Variants in CRISPLD2 observed in about 807,000 individuals in gnomAD.
The protein encoded by CRISPLD2 is cysteine rich secretory protein LCCL domain containing 2.
A neutral mutation model predicts 71.1 loss-of-function variants in CRISPLD2; 47 were observed. That is an observed-to-expected ratio of 0.66 (90% CI 0.52 to 0.84). The LOEUF (loss-of-function observed/expected upper bound fraction) is 0.84. Among genes scored for constraint, CRISPLD2 ranks in the 40% least tolerant of loss-of-function variants. The pLI is 0.00. For synonymous variants in CRISPLD2, 317 were observed against 250.1 expected (o/e 1.27, Z -2.52); for missense variants, 830 against 651.1 (o/e 1.27, Z -2.99).
At chr16:84,892,322 G>C (rs2071669998) in intron 14 of CRISPLD2, among the ~76,000 whole-genome samples, 1 of 152,236 alleles carries the variant, frequency 6.6e-6, no homozygotes, top group Non-Finnish European at 1.5e-5. Flanking sequence ...ATGCTCGACT[G>C]TGACAGCTGC....
intron 7 of CRISPLD2, 39 bp downstream of exon 7, chr16:84,867,079 G>A: frequency 1.9e-6 from 3 of 1,601,564 alleles, no homozygotes; most frequent in Non-Finnish European, 2.6e-6. Context: ...TGCCCTCCCA[G>A]CCACCTCCAA....
At chr16:84,891,744 G>T (rs1391237086) in intron 14 of CRISPLD2, among the ~76,000 whole-genome samples, 3 of 152,168 alleles carry the variant, frequency 2.0e-5, no homozygotes, top group African/African-American at 7.2e-5. Flanking sequence ...TCATTGTGGG[G>T]GCCCCATTGG....
At chr16:84,830,113 G>A (rs1270495648) in intron 1 of CRISPLD2, among the ~76,000 whole-genome samples, 1 of 151,998 alleles carries the variant, frequency 6.6e-6, no homozygotes, top group Non-Finnish European at 1.5e-5. Flanking sequence ...ACTTAAGCTC[G>A]GGAGTTCGAG....
intron 12 of CRISPLD2, among the ~76,000 whole-genome samples, chr16:84,878,552 A>T (rs1323336117): frequency 3.3e-5 from 5 of 152,208 alleles, no homozygotes; most frequent in Non-Finnish European, 4.4e-5. Context: ...CATTCTGTGG[A>T]TACGTGACAA....
At chr16:84,895,142 A>C (rs887021720) in intron 14 of CRISPLD2, among the ~76,000 whole-genome samples, 1 of 152,196 alleles carries the variant, frequency 6.6e-6, no homozygotes, top group Non-Finnish European at 1.5e-5. Flanking sequence ...CAGCCCTGCA[A>C]AGTAGGAACC....
intron 8 of CRISPLD2, among the ~76,000 whole-genome samples, chr16:84,869,638 C>G (rs1030131654): frequency 6.6e-6 from 1 of 152,148 alleles, no homozygotes; most frequent in Non-Finnish European, 1.5e-5. Flanking sequence ...TGTCAACAGT[C>G]AGCAGTGGAA....
chr16:84,891,321 C>T (rs1164863044), intron 14 of CRISPLD2, among the ~76,000 whole-genome samples: 2 of 152,210 alleles, frequency 1.3e-5, no homozygotes, highest in Non-Finnish European at 1.5e-5. Context: ...GCCTCCTGGG[C>T]ACTTTGTGCA....
At chr16:84,843,330 G>C (rs1011342984) in intron 2 of CRISPLD2, among the ~76,000 whole-genome samples, 7 of 152,228 alleles carry the variant, frequency 4.6e-5, no homozygotes, top group African/African-American at 1.7e-4. Flanking sequence ...ATTTGAGAAA[G>C]CGGCTTGGAA....
At chr16:84,893,295 A>G (rs1239373060) in intron 14 of CRISPLD2, among the ~76,000 whole-genome samples, 1 of 152,202 alleles carries the variant, frequency 6.6e-6, no homozygotes, top group Non-Finnish European at 1.5e-5. Flanking sequence ...TAAGCATGAC[A>G]TGAAACCCAG....
chr16:84,854,073 G>A (rs1191365919), intron 5 of CRISPLD2, among the ~76,000 whole-genome samples: 3 of 152,210 alleles, frequency 2.0e-5, no homozygotes, highest in Non-Finnish European at 2.9e-5. Flanking sequence ...AGGGACCTTT[G>A]ATCCAGCCCC....
intron 14 of CRISPLD2, among the ~76,000 whole-genome samples, chr16:84,893,061 G>C (rs1447800597): frequency 6.6e-6 from 1 of 151,378 alleles, no homozygotes; most frequent in Admixed American, 6.6e-5. Context: ...AGATGATTGA[G>C]CCCTAGAACT....
rs562477166 is a variant in CRISPLD2 at position 84,820,531 on chromosome 16, C to G, written c.-75+398C>G. ...GGATATGGCAGGCATTAGAATGTGT[C>G]CTACTCATGTCTGGAGGACCAGGGT... On this transcript the variant is annotated intron_variant, in intron 1 of 14. Transcript: ENST00000262424. 1.2e-3 allele frequency among the ~76,000 whole-genome samples: 188 copies of G among 152,244 alleles called. 1 individual carries two copies. The highest frequency in any genetic ancestry group is 4.1e-3 in the African/African-American group (169 of 41,544).
At chr16:84,872,059 T>TA (rs2071475658) in intron 8 of CRISPLD2, among the ~76,000 whole-genome samples, 1 of 152,194 alleles carries the variant, frequency 6.6e-6, no homozygotes, top group Admixed American at 6.5e-5. Context: ...CAATACAGTG[T>TA]AACAACTATC....
Position 84,889,179 on chromosome 16 carries a change from C to T in CRISPLD2, c.1306-51C>T, listed in dbSNP as rs761666747. ...AATGATGGAGCCCCAGCTGGCTTGA[C>T]CCATGAGCTGGAATCCGCATCGCTG... On this transcript the variant is annotated intron_variant, in intron 13 of 14. Coordinates refer to ENST00000262424, the MANE Select transcript of CRISPLD2 (RefSeq NM_031476.4). 9.9e-6 allele frequency: 16 copies of T among 1,612,686 alleles called. No homozygotes were observed. In the South Asian group the frequency reaches 1.4e-4, roughly 14 times the overall value.
At chr16:84,899,145 C>G (rs1476656991) in intron 14 of CRISPLD2, among the ~76,000 whole-genome samples, 2 of 152,162 alleles carry the variant, frequency 1.3e-5, no homozygotes, top group East Asian at 1.9e-4. Flanking sequence ...CTACGTTAGC[C>G]TCCCAAAGTG....
intron 1 of CRISPLD2, among the ~76,000 whole-genome samples, chr16:84,832,544 C>T (rs891941564): frequency 2.6e-5 from 4 of 152,250 alleles, no homozygotes; most frequent in East Asian, 1.9e-4. Flanking sequence ...CGGCGGTGAA[C>T]GAGACCCGCA....
At chr16:84,874,579 ATT>A (rs2071502238) in intron 11 of CRISPLD2, among the ~76,000 whole-genome samples, 2 of 152,238 alleles carry the variant, frequency 1.3e-5, no homozygotes, top group African/African-American at 4.8e-5. Context: ...TGTAGGAGCC[ATT>A]CCAGCTTCCT....
At chr16:84,854,922 C>T in intron 6 of CRISPLD2, 93 bp downstream of exon 6, 1 of 983,488 alleles carries the variant, frequency 1.0e-6, no homozygotes, top group Non-Finnish European at 1.6e-6. Context: ...TTAAAGAAGT[C>T]AGTCACCCCT....
chr16:84,898,348 G>T (rs1044380884), intron 14 of CRISPLD2, among the ~76,000 whole-genome samples: 3 of 152,284 alleles, frequency 2.0e-5, no homozygotes, highest in South Asian at 2.1e-4. Flanking sequence ...CAAGGCCGCA[G>T]CTGCTTCGGC....
Sources: gnomAD v4.1 joint callset for allele counts (sites outside exome capture counted in the v4.1 genomes callset) on GRCh38, gnomAD v4.1.1 for gene constraint, MANE v1.5 for transcripts, NCBI Gene and HGNC (gene_info 2026-07-23, HGNC 2026-07-21) for gene names.